Variants in ZNF652 observed in about 807,000 individuals in gnomAD.
The protein encoded by ZNF652 is zinc finger protein 652.
ZNF652 carries 16 observed loss-of-function variants against 45.2 expected under a neutral mutation model. The ratio of observed to expected loss-of-function variants is 0.35; its 90% CI spans 0.24 to 0.54. ZNF652 has a LOEUF of 0.54. Ranked by LOEUF, ZNF652 falls within the 20% of genes least tolerant of loss-of-function variation. The pLI, the probability that ZNF652 is intolerant of heterozygous loss-of-function variation, is 0.91. For synonymous variants in ZNF652, 250 were observed against 260.6 expected, an observed-to-expected ratio of 0.96 and a Z score of 0.39; for missense variants, 614 against 765.6, an observed-to-expected ratio of 0.80 and a Z score of 2.34.
chr17:49,303,454 GGTCTCACAC>G (rs1269851292), intron 5 of ZNF652, among the ~76,000 whole-genome samples: 6 of 151,624 alleles, frequency 4.0e-5, no homozygotes, highest in Non-Finnish European at 7.4e-5. Flanking sequence ...TGGTCAGGCT[GGTCTCACAC>G]TCCTGACTTC....
chr17:49,351,582 C>CAT (rs909735044), intron 1 of ZNF652, among the ~76,000 whole-genome samples: 54 of 151,476 alleles, frequency 3.6e-4, no homozygotes, highest in African/African-American at 7.7e-4. Flanking sequence ...CACGGACATA[C>CAT]ATATATATAT....
At chr17:49,346,523 C>G (rs2070206674) in intron 1 of ZNF652, among the ~76,000 whole-genome samples, 2 of 151,564 alleles carry the variant, frequency 1.3e-5, no homozygotes, top group East Asian at 1.9e-4. Flanking sequence ...TGTACTCCAG[C>G]CTGGGTGACA....
At chr17:49,347,623 T>C (rs2070218161) in intron 1 of ZNF652, among the ~76,000 whole-genome samples, 1 of 151,910 alleles carries the variant, frequency 6.6e-6, no homozygotes, top group South Asian at 2.1e-4. Context: ...AGATCATCAA[T>C]GACTCATAAC....
At chr17:49,309,931 A>G (rs1405250976) in intron 5 of ZNF652, among the ~76,000 whole-genome samples, 1 of 152,134 alleles carries the variant, frequency 6.6e-6, no homozygotes, top group Admixed American at 6.6e-5. Context: ...TAAAAAGAAC[A>G]GCAGGCTAAG....
At chr17:49,349,566 A>G (rs771419140) in intron 1 of ZNF652, among the ~76,000 whole-genome samples, 1 of 152,202 alleles carries the variant, frequency 6.6e-6, no homozygotes, top group Non-Finnish European at 1.5e-5. Flanking sequence ...TTCTCCTTCA[A>G]GAATCACTAA....
At chr17:49,313,736 G>T (rs2069751648) in intron 2 of ZNF652, among the ~76,000 whole-genome samples, 1 of 151,624 alleles carries the variant, frequency 6.6e-6, no homozygotes, top group South Asian at 2.1e-4. Context: ...ATTTCGGGAG[G>T]CCAAGACAGG....
chr17:49,348,883 T>C (rs937149367), intron 1 of ZNF652, among the ~76,000 whole-genome samples: 30 of 152,208 alleles, frequency 2.0e-4, no homozygotes, highest in Non-Finnish European at 2.6e-4. Context: ...GTTATCCCTA[T>C]GCATTTTTGT....
chr17:49,329,466 C>T (rs988171577), intron 1 of ZNF652, among the ~76,000 whole-genome samples: 3 of 152,144 alleles, frequency 2.0e-5, no homozygotes, highest in African/African-American at 7.2e-5. Flanking sequence ...GTCATCTTCA[C>T]AACAAACAAA....
chr17:49,357,704 C>G (rs534731326), intron 1 of ZNF652, among the ~76,000 whole-genome samples: 1 of 152,298 alleles, frequency 6.6e-6, no homozygotes, highest in African/African-American at 2.4e-5. Flanking sequence ...CAACTCTGGA[C>G]ACAGAACCCA....
intron 1 of ZNF652, among the ~76,000 whole-genome samples, chr17:49,352,354 T>A (rs1296214382): frequency 6.6e-6 from 1 of 152,026 alleles, no homozygotes; most frequent in African/African-American, 2.4e-5. Context: ...AAAATAAACC[T>A]ATTATATGAG....
chr17:49,323,336 A>C (rs1360272916), intron 1 of ZNF652, among the ~76,000 whole-genome samples: 5 of 152,182 alleles, frequency 3.3e-5, no homozygotes, highest in Non-Finnish European at 5.9e-5. Context: ...CAACTCAGTC[A>C]CCTTCAGGCT....
chr17:49,341,489 CAAAA>C (rs754847307), intron 1 of ZNF652, among the ~76,000 whole-genome samples: 255 of 82,164 alleles, frequency 3.1e-3, no homozygotes, highest in East Asian at 0.015. Flanking sequence ...CTCATCTCTA[CAAAA>C]AAAAAAAAAA....
chr17:49,313,378 C>T (rs541369850), intron 2 of ZNF652, among the ~76,000 whole-genome samples: 35 of 151,990 alleles, frequency 2.3e-4, no homozygotes, highest in African/African-American at 7.0e-4. Flanking sequence ...AGGGTGATCT[C>T]GATCTTCTGG....
At position 49,298,347 on chromosome 17, in the gene ZNF652, G is replaced by A. The variant is rs550968338; in HGVS notation, c.*66C>T. On this transcript the variant is annotated 3_prime_UTR_variant, in exon 6 of 6. Coordinates refer to ENST00000430262, the MANE Select transcript of ZNF652 (RefSeq NM_001145365.3). ...TCTGAGAACTAAGGAAATGCTCACC[G>A]ACTCCCTCTGTGCACGCTCACACAT... is the stretch of plus-strand genomic sequence containing the variant. 3.0e-5 allele frequency: 47 copies of A among 1,585,390 alleles called. No individual in the cohort carries two copies. The highest frequency in any genetic ancestry group is 1.7e-4 in the South Asian group (15 of 87,290).
intron 1 of ZNF652, among the ~76,000 whole-genome samples, chr17:49,334,698 G>C (rs1402197494): frequency 1.3e-5 from 2 of 151,258 alleles, no homozygotes; most frequent in African/African-American, 2.4e-5. Flanking sequence ...AGAATTGCTT[G>C]AACTCAGGAG....
chr17:49,360,442 C>T (rs1252133512), intron 1 of ZNF652, among the ~76,000 whole-genome samples: 2 of 152,128 alleles, frequency 1.3e-5, no homozygotes, highest in East Asian at 3.8e-4. Context: ...AGATTACTAA[C>T]CACTGAAGTC....
At position 49,298,475 on chromosome 17, in the gene ZNF652, GGC is replaced by G; in HGVS notation, c.1757_1758del (p.Gly586AlafsTer3). 1 of 1,613,086 alleles carries G rather than the reference GGC, an allele frequency of 6.2e-7. No individual in the cohort carries two copies. On this transcript the variant is annotated frameshift_variant, in exon 6 of 6. Coordinates refer to ENST00000430262, the MANE Select transcript of ZNF652 (RefSeq NM_001145365.3). LOFTEE classifies it high-confidence loss of function. Reference sequence around the variant, plus strand: ...TGCCGCAGAAAGTTGTCCTCACTCTGGCCTCTATGATTTAAAGGCTCACTCTT... The same window carrying G: ...TGCCGCAGAAAGTTGTCCTCACTCTGCTCTATGATTTAAAGGCTCACTCTT... ...LFKSEPLNHR[G>X]QSEDNFLRHL...
intron 5 of ZNF652, among the ~76,000 whole-genome samples, chr17:49,310,667 T>G (rs994982594): frequency 6.6e-6 from 1 of 152,174 alleles, no homozygotes; most frequent in African/African-American, 2.4e-5. Flanking sequence ...TTTGGGAGAC[T>G]GAGGCAGGCA....
intron 5 of ZNF652, among the ~76,000 whole-genome samples, chr17:49,304,915 T>C (rs1468331594): frequency 1.3e-5 from 2 of 151,654 alleles, no homozygotes; most frequent in Non-Finnish European, 2.9e-5. Flanking sequence ...CATACATATA[T>C]ACACACACAC....
Sources: gnomAD v4.1 joint callset for allele counts (sites outside exome capture counted in the v4.1 genomes callset) on GRCh38, gnomAD v4.1.1 for gene constraint, MANE v1.5 for transcripts, NCBI Gene and HGNC (gene_info 2026-07-23, HGNC 2026-07-21) for gene names.